ANKRD34B: variants seen among roughly 807,000 people sequenced by gnomAD.
The protein encoded by ANKRD34B is ankyrin repeat domain 34B.
In ANKRD34B, 2 loss-of-function variants were observed where a neutral mutation model predicts 4.4. The observed-to-expected ratio is 0.46, with a 90% CI of 0.19 to 1.44. The LOEUF is 1.44. ANKRD34B is among the 40% of genes most tolerant of loss of function. The pLI, the probability that ANKRD34B is intolerant of heterozygous loss-of-function variation, is 0.26. For missense variants in ANKRD34B, 558 were observed against 604.7 expected (o/e 0.92, Z 0.81); for synonymous variants, 226 against 227.1 (o/e 0.99, Z 0.05).
In ANKRD34B at chr5:80,557,666, A is replaced by G. The variant is rs1260336701; in HGVS notation, c.*809T>C. Reference sequence around the variant, plus strand: ...TTATGGATAAGCTTCCAAAACTAATAACAGGAATTAAAAGATGATATGGAG... The same window carrying G: ...TTATGGATAAGCTTCCAAAACTAATGACAGGAATTAAAAGATGATATGGAG... On this transcript the variant is annotated 3_prime_UTR_variant, in exon 5 of 5. Transcript: ENST00000338682. 6.6e-6 allele frequency: 1 copy of G among 151,814 alleles called. No homozygotes were observed. The highest frequency in any genetic ancestry group is 1.5e-5 in the Non-Finnish European group (1 of 68,016). 9.4% of individuals were successfully genotyped at this position (151,814 alleles called of 1,614,324 possible).
At chr5:80,562,971 G>A (rs1181694121) in intron 4 of ANKRD34B, among the ~76,000 whole-genome samples, 1 of 151,894 alleles carries the variant, frequency 6.6e-6, no homozygotes, top group Non-Finnish European at 1.5e-5. Flanking sequence ...AAGCAACTTG[G>A]AGGAAACATA....
intron 4 of ANKRD34B, among the ~76,000 whole-genome samples, chr5:80,562,867 C>T (rs1486639118): frequency 6.6e-6 from 1 of 152,074 alleles, no homozygotes; most frequent in Non-Finnish European, 1.5e-5. Flanking sequence ...AGCTTTTAAT[C>T]CCAACCCTTT....
At chr5:80,561,961 G>T (rs1746416376) in intron 4 of ANKRD34B, among the ~76,000 whole-genome samples, 1 of 151,340 alleles carries the variant, frequency 6.6e-6, no homozygotes, top group Non-Finnish European at 1.5e-5. Flanking sequence ...TTTTGTCAAA[G>T]ACAAAATTAA....
chr5:80,560,049 A>G lies in ANKRD34B; in HGVS notation c.-23-7T>C. The G allele has an allele frequency of 6.7e-7, 1 of 1,493,132 alleles. No homozygotes were observed. Among genetic ancestry groups the G allele is most frequent in the East Asian group, 2.3e-5 (1 of 43,862 alleles). 92.5% of individuals were successfully genotyped at this position (1,493,132 alleles called of 1,614,324 possible). A position where few individuals can be genotyped will look rare whatever the true frequency, so the allele number is the denominator to read the frequency against. ...GGAGGTTAGAACTCAATACCTGGTT[A>G]TCAAAGATGGCAAAGACCAAAAGAT... On this transcript the variant is annotated splice_polypyrimidine_tract_variant and splice_region_variant and intron_variant, in intron 4 of 4. Transcript: ENST00000338682.
At chr5:80,562,956 GA>G (rs70988489) in intron 4 of ANKRD34B, among the ~76,000 whole-genome samples, 74,024 of 151,710 alleles carry the variant, frequency 0.49, 20,792 homozygotes, top group East Asian at 0.87. Context: ...AGAACAAACT[GA>G]AAAAAGCAAC....
At chr5:80,565,961 G>C (rs1193659516) in intron 3 of ANKRD34B, among the ~76,000 whole-genome samples, 2 of 152,162 alleles carry the variant, frequency 1.3e-5, no homozygotes, top group Non-Finnish European at 2.9e-5. Context: ...TTCAAAAATT[G>C]CAGTGTCTTT....
rs1746347868 is a variant in ANKRD34B at position 80,559,359 on chromosome 5, C to T, written c.661G>A (p.Asp221Asn). 2 of 1,614,094 alleles carry T rather than the reference C, an allele frequency of 1.2e-6. No individual in the cohort carries two copies. ...FKDLELAGSN[D>N]DTWDPGSPVR... ...GGGGAACCTGGGTCCCAGGTATCAT[C>T]ATTGCTTCCAGCAAGCTCAAGATCT... Residue 221 changes from aspartate to asparagine, a missense_variant, in exon 5 of 5, where the codon GAT (aspartate) becomes AAT (asparagine). Coordinates refer to ENST00000338682, the MANE Select transcript of ANKRD34B (RefSeq NM_001004441.3).
chr5:80,568,072 A>C (rs1746630273), intron 2 of ANKRD34B, among the ~76,000 whole-genome samples: 1 of 152,250 alleles, frequency 6.6e-6, no homozygotes, highest in Non-Finnish European at 1.5e-5. Context: ...CAGGCACTGC[A>C]TACAGGAATC....
At chr5:80,560,479 G>A (rs1230651343) in intron 4 of ANKRD34B, among the ~76,000 whole-genome samples, 1 of 152,084 alleles carries the variant, frequency 6.6e-6, no homozygotes, top group African/African-American at 2.4e-5. Context: ...AATGTGTAGT[G>A]AGACTCCATC....
rs572686512 is a variant in ANKRD34B at position 80,558,092 on chromosome 5, T to A, written c.*383A>T. ...CAATCTCATTTATTAACATGAAATG[T>A]TAAAAAAATTATTGACTTGAAAACT... On this transcript the variant is annotated 3_prime_UTR_variant, in exon 5 of 5. Transcript: ENST00000338682. 6.4e-6 allele frequency: 1 copy of A among 156,042 alleles called. No homozygotes were observed. Among genetic ancestry groups the A allele is most frequent in the South Asian group, 2.0e-4 (1 of 5,070 alleles). The allele number at this position is 156,042 out of a possible 1,614,324, so 9.7% of individuals were successfully genotyped here. A position where few individuals can be genotyped will look rare whatever the true frequency, so the allele number is the denominator to read the frequency against.
Position 80,559,146 on chromosome 5 carries a change from T to G in ANKRD34B, c.874A>C (p.Thr292Pro). 1 of 1,614,226 alleles carries G rather than the reference T, an allele frequency of 6.2e-7. No individual in the cohort carries two copies. The highest frequency in any genetic ancestry group is 1.1e-5 in the South Asian group (1 of 91,090). ...TTTACATCAATGCTTTGGTGCCTAGTGATGAACCGCTTGGAAAGTGCCAGC... is the reference window on the plus strand; with the variant it reads ...TTTACATCAATGCTTTGGTGCCTAGGGATGAACCGCTTGGAAAGTGCCAGC... ...NGLALSKRFI[T>P]RHQSIDVKDT... Residue 292 changes from threonine to proline, a missense_variant, in exon 5 of 5, where the codon ACT becomes CCT. By Grantham distance (38) the Thr-to-Pro change is conservative. Transcript: ENST00000338682.
chr5:80,568,765 G>C (rs568684118), intron 2 of ANKRD34B, among the ~76,000 whole-genome samples, 195 bp downstream of exon 2: 1 of 152,186 alleles, frequency 6.6e-6, no homozygotes, highest in African/African-American at 2.4e-5. Flanking sequence ...TAGCTGGTAA[G>C]GTTTGCTGTG....
At chr5:80,567,843 A>C (rs922496318) in intron 2 of ANKRD34B, among the ~76,000 whole-genome samples, 2 of 152,044 alleles carry the variant, frequency 1.3e-5, no homozygotes, top group African/African-American at 4.8e-5. Context: ...AAGACTGCTC[A>C]GATGAGGCAG....
rs528138178 is a variant in ANKRD34B, at chr5:80,566,290, A to C, written c.-105+399T>G. Among the ~76,000 whole-genome samples the C allele has an allele frequency of 9.2e-5, 14 of 152,300 alleles. No homozygotes were observed. In the East Asian group the frequency reaches 2.7e-3, roughly 29 times the overall value. ...CTTAGAGGTCCCAAGTGCCATAGAA[A>C]ATGGCAATGAGTATCAGGGCTTAGA... On this transcript the variant is annotated intron_variant, in intron 3 of 4. Transcript: ENST00000338682.
chr5:80,564,733 T>TTCG (rs2112716500), intron 3 of ANKRD34B, among the ~76,000 whole-genome samples: 1 of 142,370 alleles, frequency 7.0e-6, no homozygotes, highest in Admixed American at 7.7e-5. Flanking sequence ...GAGATGGTGT[T>TTCG]TCGCTGTTGT....
At chr5:80,567,462 A>G (rs1402155509) in intron 2 of ANKRD34B, among the ~76,000 whole-genome samples, 1 of 151,258 alleles carries the variant, frequency 6.6e-6, no homozygotes, top group Non-Finnish European at 1.5e-5. Context: ...CTCTACTACA[A>G]ATACAAAAAT....
At chr5:80,565,866 T>G (rs555743456) in intron 3 of ANKRD34B, among the ~76,000 whole-genome samples, 37 of 152,320 alleles carry the variant, frequency 2.4e-4, no homozygotes, top group African/African-American at 8.9e-4. Flanking sequence ...CCTTTAAGTA[T>G]ACTTCCCTTA....
Position 80,558,567 on chromosome 5 carries a change from G to A in ANKRD34B, c.1453C>T (p.Pro485Ser), listed in dbSNP as rs770023945. 30 of 1,613,932 alleles carry A rather than the reference G, an allele frequency of 1.9e-5. No homozygotes were observed. Among genetic ancestry groups the A allele is most frequent in the Non-Finnish European group, 2.5e-5 (29 of 1,179,998 alleles). The change falls in exon 5 of 5, where the codon CCG (proline) becomes TCG (serine). Residue 485 changes from proline to serine, a missense_variant. Physicochemically the swap from Pro to Ser is moderately conservative, Grantham distance 74. Transcript: ENST00000338682. ...CGQKVLMPTVPIFPKEFKSKK... is the reference protein window; with the variant it reads ...CGQKVLMPTVSIFPKEFKSKK... ...CTTTTGAATTCTTTAGGGAAAATCGGAACTGTTGGCATAAGCACTTTTTGA... is the reference window on the plus strand; with the variant it reads ...CTTTTGAATTCTTTAGGGAAAATCGAAACTGTTGGCATAAGCACTTTTTGA...
rs769477674 is a variant in ANKRD34B, at chr5:80,559,364, C to G, written c.656G>C (p.Ser219Thr). The G allele has an allele frequency of 6.2e-7, 1 of 1,614,222 alleles. No individual in the cohort carries two copies. Among genetic ancestry groups the G allele is most frequent in the Non-Finnish European group, 8.5e-7 (1 of 1,180,050 alleles). The part of the protein sequence containing the change: ...FGFKDLELAG[S>T]NDDTWDPGSP... Reference sequence around the variant, plus strand: ...ACCTGGGTCCCAGGTATCATCATTGCTTCCAGCAAGCTCAAGATCTTTAAA... The same window carrying G: ...ACCTGGGTCCCAGGTATCATCATTGGTTCCAGCAAGCTCAAGATCTTTAAA... The change falls in exon 5 of 5, where the codon AGC becomes ACC. Residue 219 changes from serine to threonine, a missense_variant. By Grantham distance (58) the Ser-to-Thr change is moderately conservative. Coordinates refer to ENST00000338682, the MANE Select transcript of ANKRD34B (RefSeq NM_001004441.3).
Sources: allele counts gnomAD v4.1 joint callset (sites outside exome capture counted in the v4.1 genomes callset), GRCh38; gene constraint gnomAD v4.1.1; transcripts MANE v1.5; gene names NCBI Gene and HGNC (gene_info 2026-07-23, HGNC 2026-07-21).